PCDHGB1: variants seen among roughly 807,000 people sequenced by gnomAD.
PCDHGB1 encodes the protein protocadherin gamma-B1.
In PCDHGB1, 34 loss-of-function variants were observed where a neutral mutation model predicts 56.6. The observed-to-expected ratio is 0.60, with a 90% CI of 0.46 to 0.80. The LOEUF (loss-of-function observed/expected upper bound fraction) is 0.80, where lower values mean the gene tolerates loss of function less well. PCDHGB1 is among the 30% of genes least tolerant of loss of function. The probability of loss-of-function intolerance (pLI) is 0.00; values close to 1 mark genes in which losing one functional copy is unlikely to be tolerated. For synonymous variants in PCDHGB1, 561 were observed against 505.9 expected, an observed-to-expected ratio of 1.11 and a Z score of -1.46; for missense variants, 1,278 against 1,204.6, an observed-to-expected ratio of 1.06 and a Z score of -0.90.
chr5:141,427,915 T>C lies in PCDHGB1; in HGVS notation c.2410-66892T>C, dbSNP rs779333176. ...GGCTCGCCCGCGCTCAGCGCCAACATGAGCCGGCGCATGTTGGTGGGCGAC... is the reference window on the plus strand; with the variant it reads ...GGCTCGCCCGCGCTCAGCGCCAACACGAGCCGGCGCATGTTGGTGGGCGAC... On this transcript the variant is annotated intron_variant, in intron 1 of 3. Transcript: ENST00000523390. The C allele has an allele frequency of 7.0e-6, 11 of 1,578,094 alleles. No individual in the cohort carries two copies. In the Admixed American group the frequency reaches 8.4e-5, roughly 12 times the overall value.
At chr5:141,417,826 A>T in intron 1 of PCDHGB1, 1 of 1,519,618 alleles carries the variant, frequency 6.6e-7, no homozygotes. Flanking sequence ...CTCCAACTGG[A>T]AAAGCGGGGA....
Position 141,489,087 on chromosome 5 carries a change from T to TCAAA in PCDHGB1, c.2410-5720_2410-5719insCAAA. 4.6e-6 allele frequency: 1 copy of TCAAA among 216,106 alleles called. No individual in the cohort carries two copies. The highest frequency in any genetic ancestry group is 8.4e-6 in the Non-Finnish European group (1 of 118,736). The allele number at this position is 216,106 out of a possible 1,614,324, so 13.4% of individuals were successfully genotyped here. On this transcript the variant is annotated intron_variant, in intron 1 of 3. Coordinates refer to ENST00000523390, the MANE Select transcript of PCDHGB1 (RefSeq NM_018922.3). This position sits in a 1 kb window ranked among gnomAD's most constrained non-coding sequence, Gnocchi z 4.5. The stretch of plus-strand genomic sequence containing the variant: ...CCCCCTGCCCACCCCCGCCACTCGG[T>TCAAA]GACTAAGAACTGCTGCAAGCAGGCA...
intron 1 of PCDHGB1, among the ~76,000 whole-genome samples, chr5:141,458,809 T>G (rs2098953834): frequency 6.6e-6 from 1 of 152,190 alleles, no homozygotes; most frequent in Non-Finnish European, 1.5e-5. Flanking sequence ...CTCAGCTCAC[T>G]GCAACCTCTG....
chr5:141,394,312 C>G (rs903124736), intron 1 of PCDHGB1: 3 of 1,613,908 alleles, frequency 1.9e-6, no homozygotes, highest in African/African-American at 1.3e-5. Context: ...CAGGGGGCGC[C>G]CCTGTCCTCG....
chr5:141,457,429 C>A (rs73280316), intron 1 of PCDHGB1, among the ~76,000 whole-genome samples: 7 of 152,178 alleles, frequency 4.6e-5, no homozygotes, highest in Non-Finnish European at 7.4e-5. Flanking sequence ...TTTTCCCCCC[C>A]ACCAAGCTGC....
rs764586891 is a variant in PCDHGB1, at chr5:141,477,616, A to G, written c.2410-17191A>G. On this transcript the variant is annotated intron_variant, in intron 1 of 3. Coordinates refer to ENST00000523390, the MANE Select transcript of PCDHGB1 (RefSeq NM_018922.3). This position sits in a 1 kb window ranked among gnomAD's most constrained non-coding sequence, Gnocchi z 4.9. ...TTTCTTTCTTTCTCTTGGAGCAAGGAGCTGAAACCGGGCTAGTGGGTCGCT... is the reference window on the plus strand; with the variant it reads ...TTTCTTTCTTTCTCTTGGAGCAAGGGGCTGAAACCGGGCTAGTGGGTCGCT... The G allele has an allele frequency of 1.2e-6, 2 of 1,614,068 alleles. No individual in the cohort carries two copies. Among genetic ancestry groups the G allele is most frequent in the African/African-American group, 2.7e-5 (2 of 74,924 alleles).
In PCDHGB1 at chr5:141,485,961, A is replaced by C. The variant is rs766687554; in HGVS notation, c.2410-8846A>C. ...GCACCAGCGGGCATGGTGCTCATCC[A>C]GCTCAATGCCTCAGACCCGGACCTG... On this transcript the variant is annotated intron_variant, in intron 1 of 3. Coordinates refer to ENST00000523390, the MANE Select transcript of PCDHGB1 (RefSeq NM_018922.3). The surrounding 1 kb of genome is among the most constrained non-coding windows in gnomAD (Gnocchi z 5.7). 6.2e-7 allele frequency: 1 copy of C among 1,614,204 alleles called. No homozygotes were observed. The highest frequency in any genetic ancestry group is 1.1e-5 in the South Asian group (1 of 91,090).
intron 1 of PCDHGB1, chr5:141,389,309 T>A (rs763262842): frequency 1.4e-5 from 23 of 1,613,900 alleles, no homozygotes; most frequent in Non-Finnish European, 1.9e-5. Flanking sequence ...TCAGGGCTTC[T>A]GATCCGGACT....
intron 1 of PCDHGB1, chr5:141,415,385 C>T (rs1388093443): frequency 3.7e-6 from 6 of 1,614,228 alleles, no homozygotes; most frequent in Non-Finnish European, 5.1e-6. Flanking sequence ...GGCGGCTTGA[C>T]AGGTGTGTCC....
intron 1 of PCDHGB1, chr5:141,421,412 A>T (rs375885183): frequency 4.3e-6 from 7 of 1,613,962 alleles, no homozygotes; most frequent in Non-Finnish European, 5.9e-6. Context: ...GAGCTGGCGA[A>T]GCGCGGAGTC....
At chr5:141,375,990 A>T (rs1451403518) in intron 1 of PCDHGB1, 1 of 1,613,398 alleles carries the variant, frequency 6.2e-7, no homozygotes, top group African/African-American at 1.3e-5. Flanking sequence ...CTGGACAGAG[A>T]CGCGCTCAAG....
In PCDHGB1 at chr5:141,491,797, G is replaced by T. The variant is rs537755017; in HGVS notation, c.2410-3010G>T. The stretch of plus-strand genomic sequence containing the variant: ...ATTGAACTTGCATCCACTCCTCTCC[G>T]GCCGGCTTGGTCGCTGGCTGCGCTC... On this transcript the variant is annotated intron_variant, in intron 1 of 3. Coordinates refer to ENST00000523390, the MANE Select transcript of PCDHGB1 (RefSeq NM_018922.3). The surrounding 1 kb of genome is among the most constrained non-coding windows in gnomAD (Gnocchi z 6.9). 2.0e-6 allele frequency: 3 copies of T among 1,506,818 alleles called. No homozygotes were observed. The highest frequency in any genetic ancestry group is 2.4e-5 in the Admixed American group (1 of 41,734). 93.3% of individuals were successfully genotyped at this position (1,506,818 alleles called of 1,614,324 possible). A position where few individuals can be genotyped will look rare whatever the true frequency, so the allele number is the denominator to read the frequency against.
intron 1 of PCDHGB1, chr5:141,394,434 C>A (rs985055027): frequency 6.2e-7 from 1 of 1,614,248 alleles, no homozygotes; most frequent in East Asian, 2.2e-5. Flanking sequence ...CGGGGACCCG[C>A]CCCTCAGCAG....
chr5:141,501,328 CACACA>C (rs1562200832), intron 2 of PCDHGB1, among the ~76,000 whole-genome samples: 17 of 151,710 alleles, frequency 1.1e-4, no homozygotes, highest in African/African-American at 1.9e-4. Context: ...CACACACACA[CACACA>C]CCCCAAACTC....
chr5:141,429,048 G>A (rs2097180589), intron 1 of PCDHGB1: 5 of 152,064 alleles, frequency 3.3e-5, no homozygotes, highest in Admixed American at 3.3e-4. Context: ...TACAGACGGG[G>A]TTTCACCGTG....
In PCDHGB1 at chr5:141,487,954, T is replaced by C. The variant is rs2099669751; in HGVS notation, c.2410-6853T>C. On this transcript the variant is annotated intron_variant, in intron 1 of 3. Transcript: ENST00000523390. The surrounding 1 kb of genome is among the most constrained non-coding windows in gnomAD (Gnocchi z 5.0). ...GGGTACAGTGCACCAGGCAGTCACTTGGACAAAGGTGGCTGTTTTCTCTAC... is the reference window on the plus strand; with the variant it reads ...GGGTACAGTGCACCAGGCAGTCACTCGGACAAAGGTGGCTGTTTTCTCTAC... Among the ~76,000 whole-genome samples the C allele has an allele frequency of 6.6e-6, 1 of 152,182 alleles. No homozygotes were observed. The highest frequency in any genetic ancestry group is 1.5e-5 in the Non-Finnish European group (1 of 68,020).
chr5:141,446,633 C>T (rs2098509543), intron 1 of PCDHGB1, among the ~76,000 whole-genome samples: 4 of 152,208 alleles, frequency 2.6e-5, no homozygotes, highest in East Asian at 1.9e-4. Flanking sequence ...TGCACCACCA[C>T]GCCTGGCTAA....
intron 1 of PCDHGB1, among the ~76,000 whole-genome samples, chr5:141,446,777 CT>C (rs1480571336): frequency 6.6e-6 from 1 of 152,072 alleles, no homozygotes; most frequent in South Asian, 2.1e-4. Context: ...GGTTACCATT[CT>C]TTTACTCTGA....
chr5:141,402,071 A>G, intron 1 of PCDHGB1, among the ~76,000 whole-genome samples: 2 of 152,340 alleles, frequency 1.3e-5, no homozygotes, highest in Middle Eastern at 3.4e-3. Context: ...AAAACTAAGC[A>G]TTTTTGAAAT....
Sources: allele counts gnomAD v4.1 joint callset (sites outside exome capture counted in the v4.1 genomes callset), GRCh38; gene constraint gnomAD v4.1.1; non-coding constraint Gnocchi (gnomAD v3.1); transcripts MANE v1.5; gene names NCBI Gene and HGNC (gene_info 2026-07-23, HGNC 2026-07-21).